The following ECD variants were observed in gnomAD, a reference collection of about 807,000 sequenced individuals.
The protein encoded by ECD is ecdysoneless cell cycle regulator, also known as protein ecdysoneless homolog.
ECD carries 59 observed loss-of-function variants against 77.2 expected under a neutral mutation model. That is an observed-to-expected ratio of 0.76 (90% confidence interval 0.62 to 0.95). The LOEUF is 0.95. Ranked by LOEUF, ECD falls within the 40% of genes least tolerant of loss-of-function variation. ECD has a pLI of 0.00. For missense variants in ECD, 704 were observed against 763.4 expected (o/e 0.92, Z 0.92); for synonymous variants, 233 against 267.4 (o/e 0.87, Z 1.26).
At chr10:73,154,583 G>T in intron 5 of ECD, 135 bp from the exon 6 acceptor site, 3 of 795,458 alleles carry the variant, frequency 3.8e-6, no homozygotes, top group Non-Finnish European at 5.6e-6. Flanking sequence ...GATGAAAAAA[G>T]ATACTGTATA....
chr10:73,162,699 C>T (rs1316321964), intron 2 of ECD, among the ~76,000 whole-genome samples: 1 of 152,094 alleles, frequency 6.6e-6, no homozygotes, highest in Non-Finnish European at 1.5e-5. Context: ...CCAAATAAGA[C>T]CTCACATAAG....
rs186578857 is a variant in ECD, at chr10:73,166,992, T to C, written c.-14+874A>G. On this transcript the variant is annotated intron_variant, in intron 1 of 13. Coordinates refer to ENST00000372979, the MANE Select transcript of ECD (RefSeq NM_007265.3). ...TCCATTTTGACTTGATTTTTGTATA[T>C]GGTGGGAGGTAGTGGGTCTGGTTTC... Among the ~76,000 whole-genome samples, 284 of 152,300 alleles carry C rather than the reference T, an allele frequency of 1.9e-3. 3 individuals are homozygous for C. The highest frequency in any genetic ancestry group is 6.5e-3 in the African/African-American group (269 of 41,552).
intron 6 of ECD, 144 bp from the exon 7 acceptor site, chr10:73,152,565 T>C: frequency 1.1e-6 from 1 of 934,858 alleles, no homozygotes; most frequent in Non-Finnish European, 1.5e-6. Context: ...ATTCATTGCC[T>C]ACTTGTTTTT....
intron 9 of ECD, among the ~76,000 whole-genome samples, chr10:73,145,108 A>T (rs995990458): frequency 6.6e-6 from 1 of 152,196 alleles, no homozygotes; most frequent in East Asian, 1.9e-4. Flanking sequence ...TCACGCCTGT[A>T]ATCTCAGCAC....
rs1843268256 is a variant in ECD at position 73,154,382 on chromosome 10, T to C, written c.657A>G (p.Ala219=). Residue 219 remains alanine (A), a synonymous_variant, in exon 6 of 14, where the codon GCA becomes GCG. Coordinates refer to ENST00000372979, the MANE Select transcript of ECD (RefSeq NM_007265.3). ...CCAATCTGGGGCGCTGCTTTAGCAC[T>C]GCCACAATGCCAGCTGGAAGGAAGC... is the stretch of plus-strand genomic sequence containing the variant. ...AHCFLPAGIV[A]VLKQRPRLVA... The C allele has an allele frequency of 6.2e-7, 1 of 1,614,064 alleles. No individual in the cohort carries two copies. The highest frequency in any genetic ancestry group is 8.5e-7 in the Non-Finnish European group (1 of 1,179,998).
chr10:73,143,786 T>G (rs1000207628), intron 9 of ECD, among the ~76,000 whole-genome samples: 2 of 1,524 alleles, frequency 1.3e-3, no homozygotes, highest in Admixed American at 0.077. Flanking sequence ...ATTCGTTCTA[T>G]TTTTTTTTTT....
chr10:73,141,028 T>C (rs1843049650), intron 9 of ECD, among the ~76,000 whole-genome samples: 1 of 152,098 alleles, frequency 6.6e-6, no homozygotes, highest in East Asian at 1.9e-4. Context: ...GCTAACACTT[T>C]AAATACATTT....
chr10:73,160,405 C>T (rs1843360545), intron 3 of ECD, 29 bp downstream of exon 3: 1 of 1,462,752 alleles, frequency 6.8e-7, no homozygotes, highest in South Asian at 1.3e-5. Flanking sequence ...AATAGAATTC[C>T]TTTAGAATAA....
In ECD at chr10:73,164,154, G is replaced by A. The variant is rs565219941; in HGVS notation, c.-13-204C>T. On this transcript the variant is annotated intron_variant, in intron 1 of 13. Transcript: ENST00000372979. Reference sequence around the variant, plus strand: ...AGTTTGAGACCAGCCTGGCCAACATGGTGAAACCCCGTCTCTACTAAAAAT... The same window carrying A: ...AGTTTGAGACCAGCCTGGCCAACATAGTGAAACCCCGTCTCTACTAAAAAT... Among the ~76,000 whole-genome samples, 3 of 151,942 alleles carry A rather than the reference G, an allele frequency of 2.0e-5. No individual in the cohort carries two copies. In the South Asian group the frequency reaches 6.2e-4, roughly 32 times the overall value.
chr10:73,150,084 G>C lies in ECD; in HGVS notation c.913-1680C>G, dbSNP rs536529520. ...TTGCCAAGTCAATCCTAAGCCAAAAGAACAAAGCTGGAGGCATCATGCTAC... is the reference window on the plus strand; with the variant it reads ...TTGCCAAGTCAATCCTAAGCCAAAACAACAAAGCTGGAGGCATCATGCTAC... On this transcript the variant is annotated intron_variant, in intron 7 of 13. Coordinates refer to ENST00000372979, the MANE Select transcript of ECD (RefSeq NM_007265.3). Among the ~76,000 whole-genome samples, 4 of 152,212 alleles carry C rather than the reference G, an allele frequency of 2.6e-5. No homozygotes were observed. The East Asian group carries it at 7.7e-4, about 29-fold the overall frequency.
chr10:73,156,756 T>A (rs1205090894), intron 3 of ECD, 101 bp from the exon 4 acceptor site: 48 of 1,136,506 alleles, frequency 4.2e-5, no homozygotes, highest in Non-Finnish European at 5.9e-5. Flanking sequence ...TCTTAGTAAA[T>A]ATTTGAGTAT....
intron 2 of ECD, 89 bp from the exon 3 acceptor site, chr10:73,160,640 A>T (rs1843363594): frequency 1.1e-6 from 1 of 915,544 alleles, no homozygotes; most frequent in African/African-American, 1.7e-5. Context: ...ATACACATTC[A>T]TTGACTGATT....
At chr10:73,162,920 T>C (rs756967115) in intron 2 of ECD, among the ~76,000 whole-genome samples, 15 of 152,198 alleles carry the variant, frequency 9.9e-5, no homozygotes, top group Non-Finnish European at 2.1e-4. Context: ...AGGGCATAGC[T>C]GGGAACATAC....
At chr10:73,162,373 C>T (rs745685279) in intron 2 of ECD, among the ~76,000 whole-genome samples, 4 of 152,204 alleles carry the variant, frequency 2.6e-5, no homozygotes, top group Non-Finnish European at 5.9e-5. Flanking sequence ...TTTTGAATTA[C>T]TGACTAGCTT....
chr10:73,150,313 C>T (rs1409420508), intron 7 of ECD, among the ~76,000 whole-genome samples: 2 of 152,166 alleles, frequency 1.3e-5, no homozygotes, highest in East Asian at 1.9e-4. Flanking sequence ...GGAAAACTGG[C>T]TAGCCATATG....
chr10:73,135,072 T>C (rs1842961241), intron 13 of ECD, among the ~76,000 whole-genome samples: 2 of 152,192 alleles, frequency 1.3e-5, no homozygotes, highest in Admixed American at 6.5e-5. Context: ...TGCATGTCTA[T>C]TTTGAAATAG....
chr10:73,160,663 G>A, intron 2 of ECD, 112 bp from the exon 3 acceptor site: 2 of 714,648 alleles, frequency 2.8e-6, no homozygotes, highest in Admixed American at 3.2e-5. Flanking sequence ...TCTAAGTACT[G>A]GGGAGCAGGG....
intron 6 of ECD, among the ~76,000 whole-genome samples, chr10:73,153,641 G>A (rs1474640075): frequency 2.0e-5 from 3 of 147,604 alleles, no homozygotes; most frequent in Non-Finnish European, 3.0e-5. Context: ...CAGGAGAATC[G>A]CTTGAGCCCA....
chr10:73,166,523 C>G (rs1171404683), intron 1 of ECD, among the ~76,000 whole-genome samples: 1 of 152,126 alleles, frequency 6.6e-6, no homozygotes, highest in Non-Finnish European at 1.5e-5. Flanking sequence ...GGGTGAGATG[C>G]TATCTTATTG....
Sources: allele counts gnomAD v4.1 joint callset (sites outside exome capture counted in the v4.1 genomes callset), GRCh38; gene constraint gnomAD v4.1.1; transcripts MANE v1.5; gene names NCBI Gene and HGNC (gene_info 2026-07-23, HGNC 2026-07-21).